Variants in TLN2 observed in about 807,000 individuals in gnomAD.
TLN2 encodes the protein talin 2.
TLN2 carries 118 observed loss-of-function variants against 294.7 expected under a neutral mutation model. That is an observed-to-expected ratio of 0.40 (90% CI 0.34 to 0.47). The LOEUF is 0.47. TLN2 is among the 20% of genes least tolerant of loss of function. TLN2 has a pLI of 0.84. For synonymous variants in TLN2, 1,431 were observed against 1,304.5 expected, an observed-to-expected ratio of 1.10 and a Z score of -2.09; for missense variants, 3,083 against 3,282.2, an observed-to-expected ratio of 0.94 and a Z score of 1.48.
chr15:62,805,732 G>C lies in TLN2; in HGVS notation c.6610G>C (p.Ala2204Pro), dbSNP rs750291271. 1.1e-5 allele frequency: 18 copies of C among 1,613,994 alleles called. No individual in the cohort carries two copies. The highest frequency in any genetic ancestry group is 8.5e-7 in the Non-Finnish European group (1 of 1,180,004). Residue 2204 changes from alanine to proline, a missense_variant, in exon 51 of 59, where the codon GCT (alanine) becomes CCT (proline). Ala to Pro is a conservative substitution (Grantham distance 27, BLOSUM62 -1). Transcript: ENST00000636159. ...GNSCRQEDVI[A>P]TANLSRKAVS... ...CTCATGTAGACAGGAGGACGTGATTGCTACTGCCAACCTGAGCCGGAAAGC... is the reference window on the plus strand; with the variant it reads ...CTCATGTAGACAGGAGGACGTGATTCCTACTGCCAACCTGAGCCGGAAAGC...
At chr15:62,690,943 C>T (rs868004579) in intron 12 of TLN2, among the ~76,000 whole-genome samples, 1 of 150,442 alleles carries the variant, frequency 6.6e-6, no homozygotes, top group Non-Finnish European at 1.5e-5. Context: ...AGGGAGGTTG[C>T]AGTGAGCCGA....
At chr15:62,803,429 A>G (rs1345894517) in intron 50 of TLN2, among the ~76,000 whole-genome samples, 1 of 152,114 alleles carries the variant, frequency 6.6e-6, no homozygotes, top group African/African-American at 2.4e-5. Flanking sequence ...CCTCCTTTTT[A>G]AGGCCAATAA....
At chr15:62,454,835 G>A (rs944170782) in intron 1 of TLN2, among the ~76,000 whole-genome samples, 3 of 152,114 alleles carry the variant, frequency 2.0e-5, no homozygotes, top group Non-Finnish European at 2.9e-5. Context: ...GAACTCTTTC[G>A]GATGGCTTCC....
At chr15:62,416,928 TCTC>T (rs1400582820) in intron 1 of TLN2, among the ~76,000 whole-genome samples, 2 of 152,200 alleles carry the variant, frequency 1.3e-5, no homozygotes, top group South Asian at 2.1e-4. Context: ...GGGGCTCTGT[TCTC>T]CTCCCCATTT....
chr15:62,778,784 C>A lies in TLN2; in HGVS notation c.5514+1874C>A, dbSNP rs1288784582. On this transcript the variant is annotated intron_variant, in intron 43 of 58. Coordinates refer to ENST00000636159, the MANE Select transcript of TLN2 (RefSeq NM_015059.3). ...CCACAGAGGCCAGGAGCTGTTCTTCCCCCCTCAGTTCTGCAAAGTATATAA... is the reference window on the plus strand; with the variant it reads ...CCACAGAGGCCAGGAGCTGTTCTTCACCCCTCAGTTCTGCAAAGTATATAA... Among the ~76,000 whole-genome samples the A allele has an allele frequency of 2.0e-5, 3 of 152,206 alleles. No individual in the cohort carries two copies. The South Asian group carries it at 6.2e-4, about 32-fold the overall frequency.
chr15:62,419,880 C>T (rs979981631), intron 1 of TLN2, among the ~76,000 whole-genome samples: 1 of 152,168 alleles, frequency 6.6e-6, no homozygotes, highest in African/African-American at 2.4e-5. Context: ...CCACCTTGGC[C>T]TCCCAAGGTG....
intron 20 of TLN2, among the ~76,000 whole-genome samples, chr15:62,708,152 A>G (rs1321201815): frequency 4.6e-5 from 7 of 152,132 alleles, no homozygotes; most frequent in Admixed American, 1.3e-4. Context: ...TCCCAACTCA[A>G]AAGACTCAAT....
intron 48 of TLN2, 42 bp from the exon 49 acceptor site, chr15:62,800,326 C>T (rs540679523): frequency 3.1e-6 from 5 of 1,600,692 alleles, no homozygotes; most frequent in East Asian, 4.5e-5. Context: ...CCACAGCTGA[C>T]ATCTTGACGC....
At position 62,776,797 on chromosome 15, in the gene TLN2, G is replaced by A. The variant is rs141816570; in HGVS notation, c.5401G>A (p.Ala1801Thr). The A allele has an allele frequency of 1.4e-4, 228 of 1,593,464 alleles. No individual in the cohort carries two copies. Among genetic ancestry groups the A allele is most frequent in the Non-Finnish European group, 1.7e-4 (199 of 1,169,048 alleles). Residue 1801 changes from alanine to threonine, a missense_variant, in exon 43 of 59, where the codon GCC (alanine) becomes ACC (threonine). Ala to Thr is a moderately conservative substitution (Grantham distance 58). Coordinates refer to ENST00000636159, the MANE Select transcript of TLN2 (RefSeq NM_015059.3). ...QHTHDAITEA[A>T]QLMKEAVDDI... Reference sequence around the variant, plus strand: ...CACCCATGACGCCATCACAGAGGCCGCCCAGTTGATGAAGGAAGCCGTGGA... The same window carrying A: ...CACCCATGACGCCATCACAGAGGCCACCCAGTTGATGAAGGAAGCCGTGGA...
At chr15:62,510,187 C>T (rs2039855831) in intron 1 of TLN2, among the ~76,000 whole-genome samples, 1 of 152,162 alleles carries the variant, frequency 6.6e-6, no homozygotes, top group African/African-American at 2.4e-5. Flanking sequence ...CTTCCCTTCT[C>T]ATGACAGGTG....
At chr15:62,511,929 C>G (rs2039958510) in intron 1 of TLN2, among the ~76,000 whole-genome samples, 1 of 152,108 alleles carries the variant, frequency 6.6e-6, no homozygotes, top group Admixed American at 6.5e-5. Flanking sequence ...AGCAGTAACC[C>G]TGGTCGATTT....
In TLN2 at chr15:62,783,868, C is replaced by T; in HGVS notation, c.5714C>T (p.Ala1905Val). 1 of 1,614,100 alleles carries T rather than the reference C, an allele frequency of 6.2e-7. No individual in the cohort carries two copies. Among genetic ancestry groups the T allele is most frequent in the Non-Finnish European group, 8.5e-7 (1 of 1,179,982 alleles). Residue 1905 changes from alanine to valine, a missense_variant, in exon 45 of 59, where the codon GCA becomes GTA. Ala to Val is a moderately conservative substitution (Grantham distance 64). Coordinates refer to ENST00000636159, the MANE Select transcript of TLN2 (RefSeq NM_015059.3). ...GHLAFQGQMA[A>V]ATAEPEEIGF... is the part of the protein sequence containing the mutation. ...CTGGCTTTCCAGGGCCAGATGGCAG[C>T]AGCCACGGCGGAACCAGAGGAGGTC...
intron 2 of TLN2, among the ~76,000 whole-genome samples, chr15:62,595,147 G>A: frequency 6.6e-6 from 1 of 152,194 alleles, no homozygotes; most frequent in Non-Finnish European, 1.5e-5. Context: ...GATGGGCTGG[G>A]TGCGGTGGCT....
chr15:62,761,872 G>C (rs930026082), intron 38 of TLN2, 51 bp downstream of exon 38: 27 of 1,606,820 alleles, frequency 1.7e-5, no homozygotes, highest in Non-Finnish European at 2.2e-5. Context: ...CTAACTTTGT[G>C]TGGCACCAAA....
intron 32 of TLN2, among the ~76,000 whole-genome samples, chr15:62,745,137 C>G (rs1283580452): frequency 6.6e-6 from 1 of 152,212 alleles, no homozygotes; most frequent in Non-Finnish European, 1.5e-5. Context: ...TTCAGCATCT[C>G]TGAACACTAA....
chr15:62,617,641 C>T (rs2048420245), intron 2 of TLN2, among the ~76,000 whole-genome samples: 1 of 152,228 alleles, frequency 6.6e-6, no homozygotes, highest in African/African-American at 2.4e-5. Context: ...CCCTGCACCT[C>T]TGACTGCTAA....
intron 1 of TLN2, among the ~76,000 whole-genome samples, chr15:62,521,763 A>C (rs1352557983): frequency 1.3e-5 from 2 of 152,168 alleles, no homozygotes; most frequent in East Asian, 3.9e-4. Context: ...CCCCCATGCA[A>C]ACGGACATTT....
chr15:62,715,242 G>A (rs2059692798), intron 22 of TLN2, among the ~76,000 whole-genome samples: 2 of 152,156 alleles, frequency 1.3e-5, no homozygotes, highest in South Asian at 4.1e-4. Context: ...CTTATAAATT[G>A]GTAAGTTTAG....
chr15:62,434,388 A>G (rs996340713), intron 1 of TLN2, among the ~76,000 whole-genome samples: 3 of 152,270 alleles, frequency 2.0e-5, no homozygotes, highest in African/African-American at 7.2e-5. Flanking sequence ...TTTATATTCC[A>G]TTATAGTATA....
Sources: gnomAD v4.1 joint callset for allele counts (sites outside exome capture counted in the v4.1 genomes callset) on GRCh38, gnomAD v4.1.1 for gene constraint, MANE v1.5 for transcripts, NCBI Gene and HGNC (gene_info 2026-07-23, HGNC 2026-07-21) for gene names.